Variants in LATS1 observed in about 807,000 individuals in gnomAD.
LATS1 encodes serine/threonine-protein kinase LATS1.
Under a neutral mutation model 106.6 loss-of-function variants are expected in LATS1, and 25 were observed. The observed-to-expected ratio is 0.23, with a 90% CI of 0.17 to 0.33. The LOEUF is 0.33. Ranked by LOEUF, LATS1 falls within the 10% of genes least tolerant of loss-of-function variation. The pLI is 1.00. For synonymous variants in LATS1, 465 were observed against 455.6 expected (o/e 1.02, Z -0.26); for missense variants, 1,040 against 1,382.6 (o/e 0.75, Z 3.93).
chr6:149,710,776 T>G (rs924492578), intron 1 of LATS1, among the ~76,000 whole-genome samples: 1 of 152,172 alleles, frequency 6.6e-6, no homozygotes, highest in East Asian at 1.9e-4. Context: ...GACCTTGTAG[T>G]GTTATAGGAG....
At chr6:149,667,878 T>C (rs1319594791) in intron 7 of LATS1, among the ~76,000 whole-genome samples, 3 of 152,246 alleles carry the variant, frequency 2.0e-5, no homozygotes, top group African/African-American at 7.2e-5. Flanking sequence ...GTAGACATTT[T>C]AAAGTGCTGT....
chr6:149,679,732 G>A (rs905032295), intron 5 of LATS1, 143 bp downstream of exon 5: 5 of 593,460 alleles, frequency 8.4e-6, no homozygotes, highest in Non-Finnish European at 1.5e-5. Context: ...GCCTAATGGA[G>A]TCACCCAAGT....
chr6:149,660,955 G>C lies in LATS1; in HGVS notation c.*774C>G. ...TTTAGCTTTTAGTATTGAACATTTC[G>C]ATTTATGGCAGCTTTGTTCCCTTTT... On this transcript the variant is annotated 3_prime_UTR_variant, in exon 8 of 8. Coordinates refer to ENST00000543571, the MANE Select transcript of LATS1 (RefSeq NM_004690.4). The C allele has an allele frequency of 4.7e-6, 1 of 212,684 alleles. No individual in the cohort carries two copies. Among genetic ancestry groups the C allele is most frequent in the Non-Finnish European group, 9.5e-6 (1 of 104,946 alleles). 13.2% of individuals were successfully genotyped at this position (212,684 alleles called of 1,614,324 possible). A position where few individuals can be genotyped will look rare whatever the true frequency, so the allele number is the denominator to read the frequency against.
intron 7 of LATS1, chr6:149,675,746 G>A (rs1040613528): frequency 1.4e-4 from 22 of 152,370 alleles, no homozygotes; most frequent in Middle Eastern, 3.2e-3. Context: ...CAGTAGAGAC[G>A]GGGTTTCGCC....
At chr6:149,689,418 C>CAAA (rs35702198) in intron 3 of LATS1, among the ~76,000 whole-genome samples, 18 of 132,394 alleles carry the variant, frequency 1.4e-4, no homozygotes, top group South Asian at 9.7e-4. Context: ...ATGCCTGTCT[C>CAAA]AAAAAAAAAA....
At chr6:149,712,909 C>G (rs1784184368) in intron 1 of LATS1, among the ~76,000 whole-genome samples, 1 of 152,038 alleles carries the variant, frequency 6.6e-6, no homozygotes. Flanking sequence ...GTGGGTGGAT[C>G]AATTGAGCCC....
At chr6:149,663,442 T>C (rs1359541907) in intron 7 of LATS1, among the ~76,000 whole-genome samples, 3 of 152,112 alleles carry the variant, frequency 2.0e-5, no homozygotes, top group Non-Finnish European at 2.9e-5. Context: ...GCCACTGCAC[T>C]CCAGCCTGGG....
chr6:149,697,856 C>T (rs750769329), intron 2 of LATS1, among the ~76,000 whole-genome samples: 12 of 152,114 alleles, frequency 7.9e-5, no homozygotes, highest in Non-Finnish European at 1.2e-4. Context: ...CTGCCTCAGC[C>T]TCCAGAGAAG....
chr6:149,712,527 T>C (rs1057201491), intron 1 of LATS1, among the ~76,000 whole-genome samples: 1 of 152,062 alleles, frequency 6.6e-6, no homozygotes, highest in African/African-American at 2.4e-5. Context: ...TCTTTTCTTT[T>C]TGAATAGAGA....
chr6:149,688,474 A>G (rs2114858165), intron 3 of LATS1, among the ~76,000 whole-genome samples: 2 of 151,530 alleles, frequency 1.3e-5, no homozygotes, highest in South Asian at 4.2e-4. Flanking sequence ...ACGCCTGGCT[A>G]ATTTTTTGTA....
At chr6:149,705,600 A>G (rs565015567) in intron 1 of LATS1, among the ~76,000 whole-genome samples, 12 of 149,610 alleles carry the variant, frequency 8.0e-5, no homozygotes, top group African/African-American at 1.5e-4. Context: ...GAGAGAGAGA[A>G]AAAAAAAAGA....
intron 2 of LATS1, among the ~76,000 whole-genome samples, chr6:149,700,410 T>G (rs906291320): frequency 6.6e-6 from 1 of 151,962 alleles, no homozygotes; most frequent in African/African-American, 2.4e-5. Flanking sequence ...GAGGCAGAGG[T>G]TGCAGAGAGC....
intron 4 of LATS1, among the ~76,000 whole-genome samples, chr6:149,681,023 T>C (rs988281292): frequency 1.3e-5 from 2 of 152,158 alleles, no homozygotes; most frequent in Admixed American, 1.3e-4. Flanking sequence ...ATCTTTCCTT[T>C]TCTATTTTTC....
chr6:149,704,287 G>C (rs1235486443), intron 1 of LATS1, among the ~76,000 whole-genome samples: 1 of 152,138 alleles, frequency 6.6e-6, no homozygotes, highest in Non-Finnish European at 1.5e-5. Context: ...ACAGGCGTGA[G>C]CCACTGTGGC....
chr6:149,665,708 C>A (rs909149584), intron 7 of LATS1, among the ~76,000 whole-genome samples: 17 of 152,156 alleles, frequency 1.1e-4, no homozygotes, highest in African/African-American at 3.6e-4. Flanking sequence ...GAAAAGACCA[C>A]AGCCTACAAA....
At chr6:149,682,504 G>A (rs994925932) in intron 4 of LATS1, among the ~76,000 whole-genome samples, 11 of 149,520 alleles carry the variant, frequency 7.4e-5, no homozygotes, top group South Asian at 2.1e-4. Context: ...CTCCGCCTCC[G>A]GGGTTCACGC....
At chr6:149,701,350 G>T (rs1436834834) in intron 2 of LATS1, among the ~76,000 whole-genome samples, 1 of 152,166 alleles carries the variant, frequency 6.6e-6, no homozygotes, top group Non-Finnish European at 1.5e-5. Context: ...GAACACAACT[G>T]CTTACACAAA....
chr6:149,700,928 C>T (rs1473873751), intron 2 of LATS1, among the ~76,000 whole-genome samples: 2 of 152,178 alleles, frequency 1.3e-5, no homozygotes, highest in Non-Finnish European at 2.9e-5. Flanking sequence ...GGATTACAGG[C>T]ATGTGCCACT....
chr6:149,680,898 C>T (rs1007295335), intron 4 of LATS1, among the ~76,000 whole-genome samples: 1 of 151,992 alleles, frequency 6.6e-6, no homozygotes, highest in Admixed American at 6.6e-5. Flanking sequence ...AAAATTCTTC[C>T]ACTCCAGGCT....
Sources: allele counts gnomAD v4.1 joint callset (sites outside exome capture counted in the v4.1 genomes callset), GRCh38; gene constraint gnomAD v4.1.1; transcripts MANE v1.5; gene names NCBI Gene and HGNC (gene_info 2026-07-23, HGNC 2026-07-21).